Variants in SNX29 observed in about 807,000 individuals in gnomAD.
SNX29 encodes sorting nexin 29.
SNX29 carries 78 observed loss-of-function variants against 102.1 expected under a neutral mutation model. The observed-to-expected ratio is 0.76, with a 90% confidence interval of 0.64 to 0.92. The LOEUF is 0.92. Among genes scored for constraint, SNX29 ranks in the 40% least tolerant of loss-of-function variants. The pLI is 0.00. For synonymous variants in SNX29, 580 were observed against 414.5 expected (o/e 1.40, Z -4.85); for missense variants, 1,280 against 1,061.7 (o/e 1.21, Z -2.86).
chr16:12,517,460 C>T (rs1011507165), intron 19 of SNX29, among the ~76,000 whole-genome samples: 2 of 152,202 alleles, frequency 1.3e-5, no homozygotes, highest in African/African-American at 4.8e-5. Context: ...AGCTGGCTTC[C>T]AGGCCAGTCT....
rs564078446 is a variant in SNX29, at chr16:12,037,230, G to T, written c.248-5667G>T. Among the ~76,000 whole-genome samples the T allele has an allele frequency of 5.9e-5, 9 of 152,280 alleles. No individual in the cohort carries two copies. The South Asian group carries it at 1.7e-3, about 28-fold the overall frequency. ...AGAAACTCAGCCACAGACCATATGG[G>T]AGCAAATGGGTGTGGCTGCGTTCCA... is the stretch of plus-strand genomic sequence containing the variant. On this transcript the variant is annotated intron_variant, in intron 4 of 20. Coordinates refer to ENST00000566228, the MANE Select transcript of SNX29 (RefSeq NM_032167.5).
At chr16:12,324,418 C>G (rs1026083666) in intron 15 of SNX29, among the ~76,000 whole-genome samples, 7 of 151,820 alleles carry the variant, frequency 4.6e-5, no homozygotes, top group African/African-American at 7.3e-5. Flanking sequence ...CTTGGCATTT[C>G]AGTGCTGGCA....
intron 11 of SNX29, among the ~76,000 whole-genome samples, chr16:12,105,199 C>G (rs551864394): frequency 2.2e-5 from 3 of 136,004 alleles, no homozygotes; most frequent in African/African-American, 7.8e-5. Context: ...CTTCCTTCCT[C>G]CCTTCCTCCC....
chr16:12,319,485 A>G (rs2080857916), intron 15 of SNX29, among the ~76,000 whole-genome samples: 2 of 152,166 alleles, frequency 1.3e-5, no homozygotes. Context: ...CCCTGTCTTA[A>G]GAAAAAATTA....
intron 19 of SNX29, among the ~76,000 whole-genome samples, chr16:12,512,263 G>A (rs1162486288): frequency 1.3e-5 from 2 of 150,124 alleles, no homozygotes; most frequent in African/African-American, 4.9e-5. Context: ...GAGAGGGTGC[G>A]GCTGGAGAGG....
At chr16:12,398,392 C>A in intron 16 of SNX29, 54 bp from the exon 17 acceptor site, 2 of 1,579,548 alleles carry the variant, frequency 1.3e-6, no homozygotes, top group Non-Finnish European at 8.7e-7. Flanking sequence ...ATTATGCAAA[C>A]CATGGTAACC....
At chr16:12,302,709 A>T (rs1255266289) in intron 15 of SNX29, among the ~76,000 whole-genome samples, 2 of 152,238 alleles carry the variant, frequency 1.3e-5, no homozygotes, top group Non-Finnish European at 2.9e-5. Flanking sequence ...GAACACAAAC[A>T]TTCAGACCAT....
chr16:12,561,402 A>C (rs916751568), intron 20 of SNX29, among the ~76,000 whole-genome samples: 1 of 152,272 alleles, frequency 6.6e-6, no homozygotes, highest in East Asian at 1.9e-4. Flanking sequence ...CCCGCCACAC[A>C]CACAGATCAG....
chr16:12,358,697 T>A (rs1469808855), intron 16 of SNX29, among the ~76,000 whole-genome samples: 3 of 152,218 alleles, frequency 2.0e-5, no homozygotes, highest in Non-Finnish European at 4.4e-5. Context: ...AGGAAGCATC[T>A]GGACAGACAG....
At chr16:12,048,158 T>A (rs1366459252) in intron 6 of SNX29, among the ~76,000 whole-genome samples, 1 of 151,980 alleles carries the variant, frequency 6.6e-6, no homozygotes, top group Non-Finnish European at 1.5e-5. Context: ...GAGGTTTTTT[T>A]TTTTTTTGAG....
In SNX29 at chr16:12,078,903, T is replaced by A. The variant is rs766395186; in HGVS notation, c.1390T>A (p.Ser464Thr). The change falls in exon 11 of 21, where the codon TCC becomes ACC. Residue 464 changes from serine (S) to threonine (T), a missense_variant. Ser to Thr is a moderately conservative substitution (Grantham distance 58, BLOSUM62 1). Coordinates refer to ENST00000566228, the MANE Select transcript of SNX29 (RefSeq NM_032167.5). ...GTTACCTTCTGCCTCAGTGCCAGAG[T>A]CCATGACAATTAGTAAGTACTTTCG... ...SLLPSASVPE[S>T]MTISELRQAT... 1.9e-6 allele frequency: 3 copies of A among 1,602,910 alleles called. No individual in the cohort carries two copies. Among genetic ancestry groups the A allele is most frequent in the African/African-American group, 2.7e-5 (2 of 74,700 alleles).
chr16:12,369,064 C>G (rs1351685135), intron 16 of SNX29, among the ~76,000 whole-genome samples: 6 of 152,134 alleles, frequency 3.9e-5, no homozygotes, highest in Non-Finnish European at 7.4e-5. Flanking sequence ...CTCCACTCAC[C>G]TCTCCCACAG....
At chr16:12,023,407 C>CAAAAAAA (rs565812913) in intron 3 of SNX29, among the ~76,000 whole-genome samples, 3 of 94,598 alleles carry the variant, frequency 3.2e-5, no homozygotes, top group Admixed American at 1.2e-4. Flanking sequence ...GACTCTGTCT[C>CAAAAAAA]AAAAAAAAAA....
intron 14 of SNX29, among the ~76,000 whole-genome samples, chr16:12,229,631 A>C (rs1479440025): frequency 6.6e-6 from 1 of 151,960 alleles, no homozygotes; most frequent in Non-Finnish European, 1.5e-5. Flanking sequence ...ATGATGTTTA[A>C]AGAAAAATCA....
chr16:12,133,088 C>T (rs1288414132), intron 13 of SNX29, among the ~76,000 whole-genome samples: 7 of 152,198 alleles, frequency 4.6e-5, no homozygotes, highest in East Asian at 1.9e-4. Flanking sequence ...AGGCTCATTG[C>T]GCCGGCGCCA....
chr16:12,530,125 C>G (rs184513272), intron 20 of SNX29, among the ~76,000 whole-genome samples: 19 of 152,354 alleles, frequency 1.2e-4, no homozygotes, highest in African/African-American at 4.6e-4. Flanking sequence ...ACATCAACCA[C>G]TTGGCCCTCT....
chr16:12,143,959 G>C (rs1032626089), intron 13 of SNX29, among the ~76,000 whole-genome samples: 7 of 152,194 alleles, frequency 4.6e-5, no homozygotes, highest in Non-Finnish European at 1.0e-4. Context: ...AGTCAAGGTT[G>C]ACAACTGGTG....
At chr16:12,186,272 A>T (rs1405920666) in intron 13 of SNX29, among the ~76,000 whole-genome samples, 1 of 152,206 alleles carries the variant, frequency 6.6e-6, no homozygotes, top group East Asian at 1.9e-4. Flanking sequence ...TTTGCTCAAG[A>T]ATTGCAGGGA....
rs2079140680 is a variant in SNX29, at chr16:12,569,545, A to G, written c.*916A>G. ...CTATGAAGTTGGACCCAGTGTGGACACTTAACAGATCATGTGTCTCTCCAC... is the reference window on the plus strand; with the variant it reads ...CTATGAAGTTGGACCCAGTGTGGACGCTTAACAGATCATGTGTCTCTCCAC... On this transcript the variant is annotated 3_prime_UTR_variant, in exon 21 of 21. Transcript: ENST00000566228. The G allele has an allele frequency of 1.3e-5, 3 of 231,388 alleles. No individual in the cohort carries two copies. The highest frequency in any genetic ancestry group is 6.1e-5 in the East Asian group (1 of 16,348). The allele number at this position is 231,388 out of a possible 1,614,324, so 14.3% of individuals were successfully genotyped here.
Sources: gnomAD v4.1 joint callset for allele counts (sites outside exome capture counted in the v4.1 genomes callset) on GRCh38, gnomAD v4.1.1 for gene constraint, MANE v1.5 for transcripts, NCBI Gene and HGNC (gene_info 2026-07-23, HGNC 2026-07-21) for gene names.